Variants in MDGA2 observed in about 807,000 individuals in gnomAD.
MDGA2 encodes the protein MAM domain containing glycosylphosphatidylinositol anchor 2.
Under a neutral mutation model 117.8 loss-of-function variants are expected in MDGA2, and 40 were observed. The observed-to-expected ratio is 0.34, with a 90% CI of 0.26 to 0.44. MDGA2 has a LOEUF of 0.44. Among genes scored for constraint, MDGA2 ranks in the 20% least tolerant of loss-of-function variants. The probability of loss-of-function intolerance (pLI) is 1.00; values close to 1 mark genes in which losing one functional copy is unlikely to be tolerated. For synonymous variants in MDGA2, 452 were observed against 439.0 expected, an observed-to-expected ratio of 1.03 and a Z score of -0.37; for missense variants, 1,123 against 1,250.6, an observed-to-expected ratio of 0.90 and a Z score of 1.54.
intron 6 of MDGA2, among the ~76,000 whole-genome samples, chr14:47,092,758 A>T (rs992418561): frequency 5.3e-5 from 8 of 152,090 alleles, no homozygotes; most frequent in Admixed American, 3.9e-4. Context: ...GACAGATGTG[A>T]GTCTCACAGG....
chr14:47,587,019 A>G (rs752770711), intron 1 of MDGA2, among the ~76,000 whole-genome samples: 2 of 151,912 alleles, frequency 1.3e-5, no homozygotes, highest in Non-Finnish European at 1.5e-5. Context: ...ACGCAGCTGA[A>G]TTTATGCTAT....
chr14:47,596,905 C>T (rs1026004057), intron 1 of MDGA2, among the ~76,000 whole-genome samples: 1 of 152,072 alleles, frequency 6.6e-6, no homozygotes, highest in Non-Finnish European at 1.5e-5. Flanking sequence ...AATCAAGAGC[C>T]TGTATCCATA....
In MDGA2 at chr14:47,640,610, T is replaced by C. The variant is rs576815891; in HGVS notation, c.280+33907A>G. On this transcript the variant is annotated intron_variant, in intron 1 of 16. Transcript: ENST00000399232. ...TGTTAAGAATCCTACCTCTTCTTTG[T>C]ACATCTTCCTTGACACTTGACTGTT... Among the ~76,000 whole-genome samples the C allele has an allele frequency of 2.0e-5, 3 of 152,280 alleles. No homozygotes were observed. In the South Asian group the frequency reaches 6.2e-4, roughly 32 times the overall value.
intron 9 of MDGA2, among the ~76,000 whole-genome samples, chr14:46,952,175 C>T (rs974220628): frequency 4.6e-5 from 7 of 151,502 alleles, no homozygotes; most frequent in Non-Finnish European, 8.8e-5. Context: ...AAAATAAAAT[C>T]TATACCCACA....
chr14:46,944,672 C>T (rs1004751359), intron 9 of MDGA2, among the ~76,000 whole-genome samples: 1 of 151,894 alleles, frequency 6.6e-6, no homozygotes, highest in Admixed American at 6.6e-5. Context: ...TCAGCTCTTT[C>T]AATTTGTTTT....
rs1247239141 is a variant in MDGA2 at position 47,361,205 on chromosome 14, CTCTATA to C, written c.281-59661_281-59656del. Among the ~76,000 whole-genome samples, 735 of 124,698 alleles carry C rather than the reference CTCTATA, an allele frequency of 5.9e-3. 10 individuals carry two copies. The highest frequency in any genetic ancestry group is 0.02 in the African/African-American group (684 of 34,056). The allele number at this position is 124,698 out of a possible 152,430, so 81.8% of individuals were successfully genotyped here. On this transcript the variant is annotated intron_variant, in intron 1 of 16. Coordinates refer to ENST00000399232, the MANE Select transcript of MDGA2 (RefSeq NM_001113498.3). ...TGTTGTACTCTCTCTCTCTCTCTCT[CTCTATA>C]TATATATATATATATATGGCAGTAG...
chr14:47,329,698 G>C (rs1029443950), intron 1 of MDGA2, among the ~76,000 whole-genome samples: 6 of 151,808 alleles, frequency 4.0e-5, no homozygotes, highest in Non-Finnish European at 7.4e-5. Flanking sequence ...TAATAAAAAT[G>C]CCAGGTGTTG....
intron 1 of MDGA2, among the ~76,000 whole-genome samples, chr14:47,666,921 T>C (rs1303189153): frequency 6.6e-6 from 1 of 151,872 alleles, no homozygotes; most frequent in Non-Finnish European, 1.5e-5. Context: ...TAACACTCAC[T>C]GCGAAGGTCT....
chr14:46,848,948 A>G (rs1323313756), intron 15 of MDGA2, among the ~76,000 whole-genome samples: 3 of 152,038 alleles, frequency 2.0e-5, no homozygotes, highest in Non-Finnish European at 4.4e-5. Flanking sequence ...GAATGAATGA[A>G]GTGGTACAGT....
chr14:47,362,057 C>A (rs1404312355), intron 1 of MDGA2, among the ~76,000 whole-genome samples: 1 of 152,054 alleles, frequency 6.6e-6, no homozygotes, highest in African/African-American at 2.4e-5. Context: ...CATCTATTTG[C>A]ATATATATCA....
chr14:47,197,707 G>T (rs946929605), intron 3 of MDGA2, among the ~76,000 whole-genome samples: 3 of 152,056 alleles, frequency 2.0e-5, no homozygotes, highest in Admixed American at 2.0e-4. Context: ...TCAGGGGTTC[G>T]AAACCAGCCT....
intron 1 of MDGA2, among the ~76,000 whole-genome samples, chr14:47,516,914 A>T (rs1033735264): frequency 1.6e-4 from 24 of 152,194 alleles, no homozygotes; most frequent in Non-Finnish European, 3.4e-4. Flanking sequence ...TGATTAGAAA[A>T]TATACTGTTA....
At chr14:46,965,025 G>A (rs1053811291) in intron 8 of MDGA2, among the ~76,000 whole-genome samples, 1 of 118,726 alleles carries the variant, frequency 8.4e-6, no homozygotes, top group African/African-American at 4.5e-5. Context: ...CCGGGTTCAC[G>A]CCATTCTCCT....
intron 10 of MDGA2, among the ~76,000 whole-genome samples, chr14:46,917,082 A>G (rs1386477361): frequency 2.0e-5 from 3 of 152,246 alleles, no homozygotes; most frequent in African/African-American, 7.2e-5. Flanking sequence ...TGATCCAATC[A>G]AGAAGGCTTG....
At chr14:47,459,268 A>G (rs1162654764) in intron 1 of MDGA2, among the ~76,000 whole-genome samples, 1 of 152,030 alleles carries the variant, frequency 6.6e-6, no homozygotes, top group Non-Finnish European at 1.5e-5. Flanking sequence ...TAGGTCCTGG[A>G]GGTTTGGGGT....
intron 9 of MDGA2, among the ~76,000 whole-genome samples, chr14:46,932,160 G>A (rs1025014673): frequency 3.3e-5 from 5 of 151,460 alleles, no homozygotes; most frequent in African/African-American, 9.7e-5. Flanking sequence ...CATAAAGAAC[G>A]ATAGCTATTA....
At chr14:47,512,121 A>T (rs1276555965) in intron 1 of MDGA2, among the ~76,000 whole-genome samples, 1 of 152,166 alleles carries the variant, frequency 6.6e-6, no homozygotes, top group Non-Finnish European at 1.5e-5. Flanking sequence ...AAAACTGCCC[A>T]TTGAACACCA....
chr14:47,377,212 G>A (rs1313897414), intron 1 of MDGA2, among the ~76,000 whole-genome samples: 2 of 152,108 alleles, frequency 1.3e-5, no homozygotes, highest in Non-Finnish European at 2.9e-5. Context: ...GATTAAATGT[G>A]ATAAAGCTGA....
At chr14:47,153,950 T>A (rs80105795) in intron 3 of MDGA2, among the ~76,000 whole-genome samples, 4,208 of 152,194 alleles carry the variant, frequency 0.028, 175 homozygotes, top group African/African-American at 0.096. Context: ...AGTGGAGTGA[T>A]GGGTCTAGCA....
Sources: allele counts gnomAD v4.1 joint callset (sites outside exome capture counted in the v4.1 genomes callset), GRCh38; gene constraint gnomAD v4.1.1; transcripts MANE v1.5; gene names NCBI Gene and HGNC (gene_info 2026-07-23, HGNC 2026-07-21).